Variants in SENP6 observed in about 807,000 individuals in gnomAD.
The protein encoded by SENP6 is SUMO specific peptidase 6.
In SENP6, 41 loss-of-function variants were observed where a neutral mutation model predicts 134.5. The ratio of observed to expected loss-of-function variants is 0.30; its 90% CI spans 0.24 to 0.40. The LOEUF (loss-of-function observed/expected upper bound fraction) is 0.40, where lower values mean the gene tolerates loss of function less well. Among genes scored for constraint, SENP6 ranks in the 10% least tolerant of loss-of-function variants. SENP6 has a pLI of 1.00. For synonymous variants in SENP6, 395 were observed against 429.8 expected (o/e 0.92, Z 1.00); for missense variants, 1,248 against 1,312.5 (o/e 0.95, Z 0.76).
intron 3 of SENP6, 37 bp from the exon 4 acceptor site, chr6:75,633,544 G>A (rs1769272511): frequency 3.3e-6 from 5 of 1,538,442 alleles, no homozygotes; most frequent in African/African-American, 2.8e-5. Context: ...TCACATTATA[G>A]CATTTTTGAC....
chr6:75,672,951 C>A (rs969418837), intron 11 of SENP6, among the ~76,000 whole-genome samples: 2 of 151,704 alleles, frequency 1.3e-5, no homozygotes, highest in African/African-American at 2.4e-5. Context: ...CCTCAGCCTC[C>A]CGAGTAGCTG....
chr6:75,615,328 C>T (rs9447524), intron 1 of SENP6, among the ~76,000 whole-genome samples: 47,841 of 151,756 alleles, frequency 0.32, 8,826 homozygotes, highest in Admixed American at 0.48. Flanking sequence ...TACAGGTGCG[C>T]GCCACCATGC....
chr6:75,633,473 T>G, intron 3 of SENP6, 108 bp from the exon 4 acceptor site: 1 of 885,830 alleles, frequency 1.1e-6, no homozygotes, highest in Non-Finnish European at 1.7e-6. Flanking sequence ...CCACCATCAT[T>G]CCCAATAGCT....
At chr6:75,648,785 C>T (rs544873140) in intron 7 of SENP6, among the ~76,000 whole-genome samples, 2 of 152,242 alleles carry the variant, frequency 1.3e-5, no homozygotes, top group African/African-American at 4.8e-5. Context: ...CAGTGCTTTG[C>T]ATTCATTATT....
At chr6:75,656,550 A>G (rs62415580) in intron 7 of SENP6, among the ~76,000 whole-genome samples, 6,209 of 152,194 alleles carry the variant, frequency 0.041, 201 homozygotes, top group Middle Eastern at 0.11. Flanking sequence ...GTAATTTTAG[A>G]CTAGTTCATT....
Position 75,666,879 on chromosome 6 carries a change from A to G in SENP6, c.1162A>G (p.Ile388Val). The change falls in exon 10 of 24, where the codon ATT becomes GTT. Residue 388 changes from isoleucine (I) to valine (V), a missense_variant. Ile to Val is a conservative substitution (Grantham distance 29, BLOSUM62 3). This residue lies in a region of SENP6 where 733 missense variants were observed against 725.4 expected (regional missense o/e 1.01). Coordinates refer to ENST00000447266, the MANE Select transcript of SENP6 (RefSeq NM_015571.4). ...TCRAERELRS[I>V]PEDSELNTVT... ...CAGAGCAGAGCGTGAACTACGAAGCATTCCAGAAGACTCAGAGTTAAATAC... is the reference window on the plus strand; with the variant it reads ...CAGAGCAGAGCGTGAACTACGAAGCGTTCCAGAAGACTCAGAGTTAAATAC... 6.2e-7 allele frequency: 1 copy of G among 1,612,610 alleles called. No homozygotes were observed. The highest frequency in any genetic ancestry group is 8.5e-7 in the Non-Finnish European group (1 of 1,178,818).
intron 1 of SENP6, among the ~76,000 whole-genome samples, chr6:75,618,131 T>C (rs183794980): frequency 4.6e-5 from 7 of 152,318 alleles, no homozygotes; most frequent in South Asian, 2.1e-4. Context: ...GTCTGTGTTT[T>C]TGACGTAAGT....
chr6:75,628,614 G>A (rs1768876599), intron 3 of SENP6, among the ~76,000 whole-genome samples: 1 of 152,128 alleles, frequency 6.6e-6, no homozygotes, highest in East Asian at 1.9e-4. Context: ...CATATTTATG[G>A]AGGGAAATTT....
chr6:75,661,687 A>G (rs1771786373), intron 8 of SENP6, among the ~76,000 whole-genome samples: 1 of 152,196 alleles, frequency 6.6e-6, no homozygotes, highest in Admixed American at 6.5e-5. Flanking sequence ...ATTCCTAGAC[A>G]AGGTTAGTGG....
intron 16 of SENP6, among the ~76,000 whole-genome samples, chr6:75,693,811 T>C (rs777263494): frequency 2.6e-5 from 4 of 152,224 alleles, no homozygotes; most frequent in Admixed American, 6.5e-5. Context: ...TTTGATAATA[T>C]TAATATGGCC....
chr6:75,634,304 G>C (rs1769337684), intron 4 of SENP6, among the ~76,000 whole-genome samples: 1 of 152,148 alleles, frequency 6.6e-6, no homozygotes, highest in East Asian at 1.9e-4. Flanking sequence ...TTAGTATTCT[G>C]CTTTATTTTT....
intron 18 of SENP6, among the ~76,000 whole-genome samples, chr6:75,702,218 CTT>C (rs200531593): frequency 8.2e-5 from 11 of 133,378 alleles, no homozygotes; most frequent in East Asian, 2.2e-4. Flanking sequence ...AAAAAATAGG[CTT>C]TTTTTTTTTT....
intron 1 of SENP6, among the ~76,000 whole-genome samples, chr6:75,619,859 G>C (rs1389596016): frequency 6.6e-6 from 1 of 152,132 alleles, no homozygotes. Flanking sequence ...GAGTGGCTGA[G>C]GCAGGGAGGA....
intron 1 of SENP6, among the ~76,000 whole-genome samples, chr6:75,608,837 A>G (rs2313589): frequency 0.26 from 40,131 of 152,092 alleles, 6,240 homozygotes; most frequent in Non-Finnish European, 0.37. Context: ...GTTACTTGAT[A>G]TTATTTATTT....
At chr6:75,628,904 G>A (rs543464483) in intron 3 of SENP6, among the ~76,000 whole-genome samples, 1 of 152,108 alleles carries the variant, frequency 6.6e-6, no homozygotes, top group Admixed American at 6.5e-5. Flanking sequence ...ATTTTTAGTA[G>A]TTTTAGTGGT....
At chr6:75,638,606 ATATATATATATATATATTTTTTTT>A (rs1359430834) in intron 5 of SENP6, among the ~76,000 whole-genome samples, 20 of 39,128 alleles carry the variant, frequency 5.1e-4, no homozygotes, top group African/African-American at 1.7e-3. Context: ...ATATATATAT[ATATATATATATATATATTTTTTTT>A]TTTTTTTTTT....
chr6:75,637,672 T>C (rs948849824), intron 5 of SENP6, among the ~76,000 whole-genome samples: 6 of 152,102 alleles, frequency 3.9e-5, no homozygotes, highest in Admixed American at 2.0e-4. Context: ...TATAAGAACC[T>C]TATAAGAAAT....
At chr6:75,701,495 TA>T (rs1775021987) in intron 18 of SENP6, among the ~76,000 whole-genome samples, 1 of 152,208 alleles carries the variant, frequency 6.6e-6, no homozygotes, top group Non-Finnish European at 1.5e-5. Context: ...AAACATTACT[TA>T]TATACATATT....
intron 1 of SENP6, among the ~76,000 whole-genome samples, chr6:75,607,641 C>A (rs929188246): frequency 6.6e-6 from 1 of 151,756 alleles, no homozygotes; most frequent in African/African-American, 2.4e-5. Context: ...TATACATATA[C>A]TACTACTTTA....
Sources: gnomAD v4.1 joint callset for allele counts (sites outside exome capture counted in the v4.1 genomes callset) on GRCh38, gnomAD v4.1.1 for gene constraint, gnomAD v4.1.1 regional missense constraint, MANE v1.5 for transcripts, NCBI Gene and HGNC (gene_info 2026-07-23, HGNC 2026-07-21) for gene names.